Variants in ADGRV1 observed in about 807,000 individuals in gnomAD.
The protein encoded by ADGRV1 is adhesion G protein-coupled receptor V1.
In ADGRV1, 359 loss-of-function variants were observed where a neutral mutation model predicts 596.2. The observed-to-expected ratio is 0.60, with a 90% CI of 0.55 to 0.66. The LOEUF (loss-of-function observed/expected upper bound fraction) is 0.66, where lower values mean the gene tolerates loss of function less well. Ranked by LOEUF, ADGRV1 falls within the 30% of genes least tolerant of loss-of-function variation. The pLI is 0.00. For missense variants in ADGRV1, 7,274 were observed against 7,575.6 expected (o/e 0.96, Z 1.48); for synonymous variants, 2,681 against 2,679.2 (o/e 1.00, Z -0.02).
chr5:91,075,181 T>A (rs1364922268), intron 86 of ADGRV1, among the ~76,000 whole-genome samples: 2 of 152,166 alleles, frequency 1.3e-5, no homozygotes, highest in African/African-American at 4.8e-5. Flanking sequence ...AGGAGCTCTT[T>A]AGTTTAATTA....
intron 1 of ADGRV1, chr5:90,614,173 G>C: frequency 4.1e-6 from 1 of 242,628 alleles, no homozygotes; most frequent in South Asian, 4.2e-5. Flanking sequence ...AAAAAAAAAA[G>C]AAAGTTGTCA....
chr5:90,759,879 C>T (rs1218582223), intron 58 of ADGRV1: 3 of 327,206 alleles, frequency 9.2e-6, no homozygotes, highest in African/African-American at 4.6e-5. Context: ...GCAGGAGACT[C>T]GCTTGAACCC....
chr5:90,993,750 A>G (rs1296227303), intron 85 of ADGRV1, among the ~76,000 whole-genome samples: 1 of 151,558 alleles, frequency 6.6e-6, no homozygotes, highest in Non-Finnish European at 1.5e-5. Flanking sequence ...AGTCTGTGAA[A>G]CTTCTTGGAT....
At chr5:91,159,927 T>A (rs7721365) in intron 89 of ADGRV1, among the ~76,000 whole-genome samples, 4,598 of 152,244 alleles carry the variant, frequency 0.03, 222 homozygotes, top group African/African-American at 0.1. Context: ...TCTGTGTTGA[T>A]CCCAAGTTGA....
intron 83 of ADGRV1, among the ~76,000 whole-genome samples, chr5:90,907,622 T>A (rs1772448546): frequency 2.0e-5 from 3 of 152,250 alleles, no homozygotes; most frequent in Middle Eastern, 6.8e-3. Context: ...CTCCCATCTT[T>A]ACCTGGTGAA....
chr5:91,105,960 T>A (rs1348050490), intron 87 of ADGRV1, among the ~76,000 whole-genome samples: 1 of 150,960 alleles, frequency 6.6e-6, no homozygotes, highest in African/African-American at 2.4e-5. Flanking sequence ...TATTTATATT[T>A]AATAGCCTGT....
intron 87 of ADGRV1, among the ~76,000 whole-genome samples, chr5:91,106,742 C>T (rs1791910108): frequency 6.6e-6 from 1 of 152,164 alleles, no homozygotes; most frequent in South Asian, 2.1e-4. Flanking sequence ...ATGGAGATCA[C>T]ATAAATAGCA....
At chr5:90,787,228 T>A (rs1285318376) in intron 67 of ADGRV1, among the ~76,000 whole-genome samples, 1 of 152,192 alleles carries the variant, frequency 6.6e-6, no homozygotes, top group East Asian at 1.9e-4. Context: ...TCTTTGTAGA[T>A]TGTGTGAGAG....
At chr5:90,979,646 T>C (rs567163099) in intron 84 of ADGRV1, among the ~76,000 whole-genome samples, 1 of 152,332 alleles carries the variant, frequency 6.6e-6, no homozygotes, top group Non-Finnish European at 1.5e-5. Flanking sequence ...GTAAGATCTG[T>C]GTTGCTGCTA....
chr5:90,877,691 T>G (rs1048819975), intron 83 of ADGRV1, among the ~76,000 whole-genome samples: 20 of 151,718 alleles, frequency 1.3e-4, no homozygotes, highest in Non-Finnish European at 2.4e-4. Context: ...AGTGAAGAGA[T>G]AGGAAAAAAT....
At chr5:91,015,507 G>A (rs747988201) in intron 85 of ADGRV1, among the ~76,000 whole-genome samples, 6 of 151,974 alleles carry the variant, frequency 3.9e-5, no homozygotes, top group South Asian at 2.1e-4. Flanking sequence ...ATTGTTGTGC[G>A]GGAGTCTATG....
chr5:90,613,540 T>G (rs1015625084), intron 1 of ADGRV1, among the ~76,000 whole-genome samples: 1 of 152,122 alleles, frequency 6.6e-6, no homozygotes, highest in Non-Finnish European at 1.5e-5. Context: ...AAACTCTTCT[T>G]CAGATTTCAT....
chr5:90,914,394 C>T (rs1773162428), intron 83 of ADGRV1, among the ~76,000 whole-genome samples: 1 of 152,080 alleles, frequency 6.6e-6, no homozygotes, highest in Non-Finnish European at 1.5e-5. Context: ...CACAACAAAT[C>T]TTTGAATGAG....
At chr5:90,674,271 T>C (rs752641058) in intron 23 of ADGRV1, 37 bp downstream of exon 23, 1 of 1,498,166 alleles carries the variant, frequency 6.7e-7, no homozygotes, top group South Asian at 1.5e-5. Context: ...TCCTCTCTTC[T>C]CTGGGTGTAC....
intron 1 of ADGRV1, among the ~76,000 whole-genome samples, chr5:90,595,500 A>G: frequency 1.1e-5 from 1 of 93,564 alleles, no homozygotes; most frequent in Non-Finnish European, 2.2e-5. Context: ...CTCACTTCCC[A>G]GTAGGGGCGG....
At chr5:91,084,536 C>T (rs143663967) in intron 86 of ADGRV1, among the ~76,000 whole-genome samples, 2 of 152,280 alleles carry the variant, frequency 1.3e-5, no homozygotes, top group African/African-American at 4.8e-5. Flanking sequence ...GAAATACCAT[C>T]TCACGCCAGT....
At chr5:90,610,276 A>G (rs966174464) in intron 1 of ADGRV1, among the ~76,000 whole-genome samples, 4 of 152,000 alleles carry the variant, frequency 2.6e-5, no homozygotes, top group African/African-American at 9.7e-5. Context: ...ATCCAGGTAA[A>G]AAATAAAGTA....
intron 83 of ADGRV1, among the ~76,000 whole-genome samples, chr5:90,930,442 C>T (rs1385781359): frequency 6.6e-6 from 1 of 152,122 alleles, no homozygotes; most frequent in Non-Finnish European, 1.5e-5. Flanking sequence ...TTCATAACGA[C>T]CAAATGGTAA....
intron 26 of ADGRV1, among the ~76,000 whole-genome samples, chr5:90,680,245 G>T (rs1486629562): frequency 6.6e-6 from 1 of 152,010 alleles, no homozygotes; most frequent in African/African-American, 2.4e-5. Flanking sequence ...AGCTATTCAG[G>T]AGGCTGAGGC....
Sources: gnomAD v4.1 joint callset for allele counts (sites outside exome capture counted in the v4.1 genomes callset) on GRCh38, gnomAD v4.1.1 for gene constraint, MANE v1.5 for transcripts, NCBI Gene and HGNC (gene_info 2026-07-23, HGNC 2026-07-21) for gene names.